The following PKHD1L1 variants were observed in gnomAD, a reference collection of about 807,000 sequenced individuals.
The protein encoded by PKHD1L1 is PKHD1 like 1.
A neutral mutation model predicts 462.9 loss-of-function variants in PKHD1L1; 434 were observed. The ratio of observed to expected loss-of-function variants is 0.94; its 90% CI spans 0.87 to 1.02. The LOEUF is 1.02. Among genes scored for constraint, PKHD1L1 ranks in the 50% least tolerant of loss-of-function variants. The pLI is 0.00. For synonymous variants in PKHD1L1, 1,781 were observed against 1,750.0 expected (o/e 1.02, Z -0.44); for missense variants, 5,202 against 5,096.1 (o/e 1.02, Z -0.63).
chr8:109,365,985 G>T (rs929624822), intron 2 of PKHD1L1, among the ~76,000 whole-genome samples: 1 of 151,546 alleles, frequency 6.6e-6, no homozygotes, highest in Non-Finnish European at 1.5e-5. Context: ...AGAAGAAGAA[G>T]AAAAAAAGAA....
intron 60 of PKHD1L1, among the ~76,000 whole-genome samples, chr8:109,490,295 A>G (rs1366914798): frequency 4.0e-5 from 6 of 151,812 alleles, no homozygotes; most frequent in Non-Finnish European, 8.8e-5. Flanking sequence ...GAAAGAATCA[A>G]AGATCTATAA....
Position 109,443,843 on chromosome 8 carries a change from G to T in PKHD1L1, c.4732G>T (p.Val1578Leu). The change falls in exon 37 of 78, where the codon GTA becomes TTA. Residue 1578 changes from valine to leucine, a missense_variant. This residue lies in a region of PKHD1L1 where 4,497 missense variants were observed against 4,336.8 expected (regional missense o/e 1.04). Transcript: ENST00000378402. ...ISNITPSTGT[V>L]NELITIIGHG... The stretch of plus-strand genomic sequence containing the variant: ...CAACATTACTCCGTCCACTGGAACA[G>T]TAAATGAACTAATAACAATTATTGG... 6.2e-7 allele frequency: 1 copy of T among 1,613,828 alleles called. No individual in the cohort carries two copies. Among genetic ancestry groups the T allele is most frequent in the Middle Eastern group, 1.7e-4 (1 of 6,058 alleles).
intron 16 of PKHD1L1, among the ~76,000 whole-genome samples, chr8:109,405,493 GAATACTATGCAGCCATAA>G (rs1201929164): frequency 1.3e-5 from 2 of 152,104 alleles, no homozygotes; most frequent in Non-Finnish European, 2.9e-5. Context: ...GTACACCATA[GAATACTATGCAGCCATAA>G]AAAGGGATGA....
intron 55 of PKHD1L1, 28 bp downstream of exon 55, chr8:109,480,167 T>A (rs760477287): frequency 6.6e-7 from 1 of 1,506,678 alleles, no homozygotes; most frequent in South Asian, 1.3e-5. Context: ...GTAGTTTATA[T>A]CTTTATTAAT....
intron 17 of PKHD1L1, among the ~76,000 whole-genome samples, chr8:109,406,816 T>C (rs1211321867): frequency 1.3e-5 from 2 of 152,034 alleles, no homozygotes; most frequent in African/African-American, 4.8e-5. Flanking sequence ...TCTTGCCTAC[T>C]GAAAGGATTT....
chr8:109,479,517 G>A (rs1818164971), intron 53 of PKHD1L1, 34 bp from the exon 54 acceptor site: 2 of 1,287,866 alleles, frequency 1.6e-6, no homozygotes, highest in Non-Finnish European at 1.1e-6. Flanking sequence ...ATCACAAGTA[G>A]TAATTCATGG....
At position 109,535,816 on chromosome 8, in the gene PKHD1L1, T is replaced by G. The variant is rs1431502375; in HGVS notation, c.*5726T>G. On this transcript the variant is annotated 3_prime_UTR_variant, in exon 78 of 78. Transcript: ENST00000378402. ...TTGATATCCAGATGTGCTGAAATGA[T>G]GGACACTGAGAAGAAAGAATAGACA... 6.6e-6 allele frequency among the ~76,000 whole-genome samples: 1 copy of G among 152,194 alleles called. No individual in the cohort carries two copies.
chr8:109,441,974 T>A, intron 34 of PKHD1L1, 33 bp from the exon 35 acceptor site: 1 of 1,496,668 alleles, frequency 6.7e-7, no homozygotes, highest in Middle Eastern at 1.8e-4. Context: ...ATTCTCTTTT[T>A]CTTTTAAAAT....
At chr8:109,446,328 C>G (rs1816138298) in intron 38 of PKHD1L1, among the ~76,000 whole-genome samples, 1 of 152,122 alleles carries the variant, frequency 6.6e-6, no homozygotes. Flanking sequence ...GCTTGGCTCT[C>G]AAATGGTTCA....
At chr8:109,393,998 C>A (rs1812830106) in intron 9 of PKHD1L1, among the ~76,000 whole-genome samples, 1 of 151,538 alleles carries the variant, frequency 6.6e-6, no homozygotes, top group South Asian at 2.1e-4. Flanking sequence ...ATAGTGAAAC[C>A]CCGTCTCTAC....
intron 3 of PKHD1L1, among the ~76,000 whole-genome samples, chr8:109,382,221 C>G (rs922760785): frequency 2.0e-5 from 3 of 152,012 alleles, no homozygotes; most frequent in Admixed American, 2.0e-4. Context: ...CTTTTTAATA[C>G]CAATGTGCAC....
intron 76 of PKHD1L1, among the ~76,000 whole-genome samples, chr8:109,525,239 T>C (rs1267265247): frequency 6.6e-6 from 1 of 152,078 alleles, no homozygotes; most frequent in South Asian, 2.1e-4. Context: ...GAGATACAGG[T>C]TGTGGTTTCT....
At chr8:109,528,679 C>T (rs1820935542) in intron 77 of PKHD1L1, among the ~76,000 whole-genome samples, 1 of 152,152 alleles carries the variant, frequency 6.6e-6, no homozygotes, top group Non-Finnish European at 1.5e-5. Context: ...TCCAATTGCA[C>T]TTTGTGTTTA....
At chr8:109,506,756 C>A (rs1164182787) in intron 68 of PKHD1L1, among the ~76,000 whole-genome samples, 1 of 152,004 alleles carries the variant, frequency 6.6e-6, no homozygotes, top group Non-Finnish European at 1.5e-5. Context: ...TTTCTCATAG[C>A]AAAAAGGGAG....
chr8:109,522,445 A>G (rs1820598858), intron 74 of PKHD1L1, 108 bp downstream of exon 74: 1 of 1,234,758 alleles, frequency 8.1e-7, no homozygotes, highest in Non-Finnish European at 1.1e-6. Context: ...TTTAGCAGGC[A>G]TGTCTTTCTT....
Position 109,440,737 on chromosome 8 carries a change from T to A in PKHD1L1, c.3984T>A (p.Tyr1328Ter), listed in dbSNP as rs1350448035. ...TRDKLNSSIQ[Y>*]VLEVTSMFPQ... ...ACAAATTAAATTCTTCAATACAGTA[T>A]GTTTTAGAAGTGACCAGCATGTTTC... Residue 1328 changes from tyrosine to a stop codon, truncating the protein, a stop_gained, in exon 33 of 78, where the codon TAT (tyrosine) becomes TAA (stop). Coordinates refer to ENST00000378402, the MANE Select transcript of PKHD1L1 (RefSeq NM_177531.6). LOFTEE classifies it high-confidence loss of function. 7 of 1,611,946 alleles carry A rather than the reference T, an allele frequency of 4.3e-6. No individual in the cohort carries two copies. Among genetic ancestry groups the A allele is most frequent in the East Asian group, 2.2e-5 (1 of 44,804 alleles).
At chr8:109,508,552 T>A (rs1819816315) in intron 70 of PKHD1L1, among the ~76,000 whole-genome samples, 2 of 151,994 alleles carry the variant, frequency 1.3e-5, no homozygotes, top group African/African-American at 4.8e-5. Context: ...TCTGGAGTGA[T>A]CTTCATACTT....
intron 77 of PKHD1L1, among the ~76,000 whole-genome samples, chr8:109,527,339 T>C (rs964799400): frequency 2.1e-5 from 3 of 145,810 alleles, no homozygotes; most frequent in African/African-American, 7.3e-5. Context: ...CTAACTCTAC[T>C]AAAAATATAA....
At position 109,456,909 on chromosome 8, in the gene PKHD1L1, T is replaced by C. The variant is rs574315577; in HGVS notation, c.7004+518T>C. Among the ~76,000 whole-genome samples the C allele has an allele frequency of 1.9e-4, 29 of 152,214 alleles. No individual in the cohort carries two copies. The South Asian group carries it at 6.0e-3, about 32-fold the overall frequency. ...TGAATAAATAAAAGAGAAGAAATAA[T>C]TATACAAAAAGTGATGATTCACATA... On this transcript the variant is annotated intron_variant, in intron 46 of 77. Coordinates refer to ENST00000378402, the MANE Select transcript of PKHD1L1 (RefSeq NM_177531.6).
Sources: allele counts gnomAD v4.1 joint callset (sites outside exome capture counted in the v4.1 genomes callset), GRCh38; gene constraint gnomAD v4.1.1; regional missense constraint gnomAD v4.1.1; transcripts MANE v1.5; gene names NCBI Gene and HGNC (gene_info 2026-07-23, HGNC 2026-07-21).